Variants in ZFHX3 observed in about 807,000 individuals in gnomAD.
ZFHX3 encodes the protein zinc finger homeobox 3.
Under a neutral mutation model 279.1 loss-of-function variants are expected in ZFHX3, and 42 were observed. That is an observed-to-expected ratio of 0.15 (90% CI 0.12 to 0.19). The LOEUF is 0.19. ZFHX3 is among the 10% of genes least tolerant of loss of function. ZFHX3 has a pLI of 1.00. For missense variants in ZFHX3, 4,981 were observed against 4,754.0 expected (o/e 1.05, Z -1.40); for synonymous variants, 2,293 against 1,957.8 (o/e 1.17, Z -4.52).
chr16:73,466,774 C>T (rs2018581656), intron 2 of ZFHX3, among the ~76,000 whole-genome samples: 1 of 152,074 alleles, frequency 6.6e-6, no homozygotes, highest in Non-Finnish European at 1.5e-5. Flanking sequence ...GGACCTAATC[C>T]TGAGTAGATA....
chr16:73,839,955 C>T (rs180747874), intron 1 of ZFHX3, among the ~76,000 whole-genome samples: 1 of 152,290 alleles, frequency 6.6e-6, no homozygotes. Flanking sequence ...CTCCATTTCC[C>T]ATTCCTGGAC....
chr16:73,639,856 G>A lies in ZFHX3; in HGVS notation c.-1547+40324C>T, dbSNP rs535054650. 2.0e-3 allele frequency among the ~76,000 whole-genome samples: 299 copies of A among 152,178 alleles called. 1 individual carries two copies. The highest frequency in any genetic ancestry group is 3.4e-3 in the Middle Eastern group (1 of 294). On this transcript the variant is annotated intron_variant, in intron 2 of 17. Coordinates refer to the ZFHX3 transcript ENST00000641206. ...ATTAGAAATGTCAACAAATCTTTAA[G>A]GAAAAAAAGCCATGATAAGAGTATT...
At position 72,795,732 on chromosome 16, in the gene ZFHX3, T is replaced by C. The variant is rs1013253982; in HGVS notation, c.6950A>G (p.Asn2317Ser). The C allele has an allele frequency of 3.1e-6, 5 of 1,614,074 alleles. No homozygotes were observed. Among genetic ancestry groups the C allele is most frequent in the Non-Finnish European group, 4.2e-6 (5 of 1,180,046 alleles). The change falls in exon 9 of 10, where the codon AAT (asparagine) becomes AGT (serine). Residue 2317 changes from asparagine (N) to serine (S), a missense_variant. Transcript: ENST00000268489. ...GTTGCTTGTTCGAATGTATCTATCA[T>C]TTGTAAGCTCACGCCGCTCTCCATC... Reference protein sequence around the residue: ...GKDGERRELTNDRYIRTSNLN... With the variant: ...GKDGERRELTSDRYIRTSNLN...
In ZFHX3 at chr16:72,793,579, C is replaced by G. The variant is rs571460174; in HGVS notation, c.9103G>C (p.Ala3035Pro). Residue 3035 changes from alanine to proline, a missense_variant, in exon 9 of 10, where the codon GCT (alanine) becomes CCT (proline). Ala to Pro is a conservative substitution (Grantham distance 27). Coordinates refer to ENST00000268489, the MANE Select transcript of ZFHX3 (RefSeq NM_006885.4). This position sits in a 1 kb window ranked among gnomAD's most constrained non-coding sequence, Gnocchi z 4.3. ...ATATGGTCACGTACAGACAGCCGAG[C>G]GCTGTACTTGATGCCACACAAAGTG... is the stretch of plus-strand genomic sequence containing the variant. ...ECTLCGIKYS[A>P]RLSVRDHIFS... The G allele has an allele frequency of 7.4e-6, 12 of 1,614,164 alleles. No individual in the cohort carries two copies. The highest frequency in any genetic ancestry group is 1.7e-5 in the Admixed American group (1 of 60,024).
At chr16:72,934,733 G>A (rs183127465) in intron 3 of ZFHX3, among the ~76,000 whole-genome samples, 45 of 152,084 alleles carry the variant, frequency 3.0e-4, no homozygotes, top group African/African-American at 9.9e-4. Context: ...TTTGTATTAC[G>A]TATCACAGTA....
intron 1 of ZFHX3, among the ~76,000 whole-genome samples, chr16:73,043,490 A>G (rs1051908386): frequency 6.6e-6 from 1 of 152,202 alleles, no homozygotes; most frequent in Non-Finnish European, 1.5e-5. Flanking sequence ...AAGAAACTCC[A>G]TGAATGAAGG....
In ZFHX3 at chr16:72,959,831, C is replaced by T. The variant is rs763854220; in HGVS notation, c.315G>A (p.Pro105=). Residue 105 remains proline (P), a synonymous_variant, in exon 2 of 10, where the codon CCG becomes CCA. Transcript: ENST00000268489. ...MEHHCPSARP[P]PPLREESASD... is the part of the protein sequence containing the mutation. The stretch of plus-strand genomic sequence containing the variant: ...TGGCGCTCTCCTCTCTCAGGGGTGG[C>T]GGGGGGCGCGCGCTGGGGCAGTGGT... 74 of 1,592,680 alleles carry T rather than the reference C, an allele frequency of 4.6e-5. No individual in the cohort carries two copies. The highest frequency in any genetic ancestry group is 9.0e-5 in the East Asian group (4 of 44,544).
intron 2 of ZFHX3, among the ~76,000 whole-genome samples, chr16:73,546,588 G>C (rs1298466196): frequency 2.6e-5 from 4 of 152,256 alleles, no homozygotes; most frequent in South Asian, 4.2e-4. Flanking sequence ...TCGTAGGTTT[G>C]ATTGGCAGGA....
At chr16:72,924,513 C>T (rs1014877417) in intron 3 of ZFHX3, among the ~76,000 whole-genome samples, 1 of 152,124 alleles carries the variant, frequency 6.6e-6, no homozygotes, top group South Asian at 2.1e-4. Flanking sequence ...TTGTTTCAAG[C>T]CAGCAGATGG....
intron 1 of ZFHX3, among the ~76,000 whole-genome samples, chr16:72,967,420 A>G (rs1961895779): frequency 6.6e-6 from 1 of 152,144 alleles, no homozygotes; most frequent in African/African-American, 2.4e-5. Flanking sequence ...TTGCAACCCA[A>G]TGTGTAACAT....
intron 2 of ZFHX3, among the ~76,000 whole-genome samples, chr16:73,477,921 T>C (rs1042648895): frequency 1.4e-4 from 22 of 152,184 alleles, no homozygotes; most frequent in African/African-American, 5.1e-4. Context: ...AAAGCAGCTC[T>C]CTCTACCTAC....
chr16:72,850,177 G>A (rs1474159421), intron 4 of ZFHX3, among the ~76,000 whole-genome samples: 1 of 152,138 alleles, frequency 6.6e-6, no homozygotes, highest in Non-Finnish European at 1.5e-5. Context: ...TGCCCACCCT[G>A]GGGAAGCCTT....
intron 3 of ZFHX3, chr16:73,387,271 C>T (rs2016919657): frequency 6.6e-6 from 1 of 152,180 alleles, no homozygotes; most frequent in South Asian, 2.1e-4. Context: ...AGATCCTTCT[C>T]ATCTCCCATT....
chr16:73,298,019 T>TAA (rs79958273), intron 4 of ZFHX3, among the ~76,000 whole-genome samples: 4 of 150,628 alleles, frequency 2.7e-5, no homozygotes, highest in Non-Finnish European at 4.4e-5. Flanking sequence ...ACCCTGTCTC[T>TAA]AAAAAAAATA....
At chr16:73,411,507 T>C (rs2017466157) in intron 3 of ZFHX3, among the ~76,000 whole-genome samples, 1 of 152,196 alleles carries the variant, frequency 6.6e-6, no homozygotes, top group Non-Finnish European at 1.5e-5. Flanking sequence ...ACTTCTTTGT[T>C]TTTTTTCAGG....
At chr16:73,464,138 C>G (rs914789034) in intron 2 of ZFHX3, among the ~76,000 whole-genome samples, 12 of 151,326 alleles carry the variant, frequency 7.9e-5, no homozygotes, top group South Asian at 2.1e-4. Flanking sequence ...GGAATTATTA[C>G]TAATTTGTAA....
At chr16:73,561,152 T>A (rs1251894146) in intron 2 of ZFHX3, among the ~76,000 whole-genome samples, 2 of 152,234 alleles carry the variant, frequency 1.3e-5, no homozygotes, top group African/African-American at 4.8e-5. Context: ...ATTTGCTAAA[T>A]CTGACAGTGC....
intron 2 of ZFHX3, among the ~76,000 whole-genome samples, chr16:73,663,612 C>T (rs978355015): frequency 1.1e-4 from 17 of 152,194 alleles, no homozygotes; most frequent in African/African-American, 3.4e-4. Context: ...GGTTTGAAAG[C>T]CCTTGGCTCA....
intron 7 of ZFHX3, among the ~76,000 whole-genome samples, chr16:73,099,710 C>CAA (rs756694525): frequency 0.023 from 2,069 of 90,754 alleles, 46 homozygotes; most frequent in African/African-American, 0.047. Context: ...GACTCCATCT[C>CAA]AAAAAAAAAA....
Sources: allele counts gnomAD v4.1 joint callset (sites outside exome capture counted in the v4.1 genomes callset), GRCh38; gene constraint gnomAD v4.1.1; non-coding constraint Gnocchi (gnomAD v3.1); transcripts MANE v1.5; gene names NCBI Gene and HGNC (gene_info 2026-07-23, HGNC 2026-07-21).